NRG3: variants seen among roughly 807,000 people sequenced by gnomAD.
NRG3 encodes the protein neuregulin 3.
Under a neutral mutation model 66.9 loss-of-function variants are expected in NRG3, and 31 were observed. The ratio of observed to expected loss-of-function variants is 0.46; its 90% CI spans 0.35 to 0.63. NRG3 has a LOEUF of 0.63. Among genes scored for constraint, NRG3 ranks in the 20% least tolerant of loss-of-function variants. NRG3 has a pLI of 0.00. For synonymous variants in NRG3, 393 were observed against 359.4 expected (o/e 1.09, Z -1.06); for missense variants, 910 against 878.9 (o/e 1.04, Z -0.45).
chr10:82,517,607 GTCTC>G (rs771355098), intron 2 of NRG3, among the ~76,000 whole-genome samples: 7 of 140,152 alleles, frequency 5.0e-5, no homozygotes, highest in East Asian at 2.1e-4. Flanking sequence ...TTCACTCCTT[GTCTC>G]TCTCTCTCTC....
chr10:81,963,117 C>T (rs1222834473), intron 1 of NRG3, among the ~76,000 whole-genome samples: 1 of 139,926 alleles, frequency 7.1e-6, no homozygotes, highest in Non-Finnish European at 1.5e-5. Context: ...TGATCTGCCA[C>T]GAGGGCTCTT....
At chr10:82,624,375 A>AC (rs1464727195) in intron 2 of NRG3, among the ~76,000 whole-genome samples, 2 of 152,070 alleles carry the variant, frequency 1.3e-5, no homozygotes, top group Admixed American at 6.6e-5. Flanking sequence ...GCTCATTTCA[A>AC]CCTAATTACA....
rs200850342 is a variant in NRG3, at chr10:82,598,922, CA to C, written c.954-139654del. ...AAAATTAGCTGGGCATGGTGGCGCA[CA>C]CCTGTAATCCCAGCTGCTCGGGAGC... On this transcript the variant is annotated intron_variant, in intron 2 of 8. Coordinates refer to ENST00000372141, the MANE Select transcript of NRG3 (RefSeq NM_001010848.4). 9.0e-3 allele frequency among the ~76,000 whole-genome samples: 1,369 copies of C among 152,190 alleles called. 29 individuals are homozygous for C. Among genetic ancestry groups the C allele is most frequent in the African/African-American group, 0.031 (1,306 of 41,528 alleles).
At chr10:82,385,663 G>A (rs1190800284) in intron 2 of NRG3, among the ~76,000 whole-genome samples, 1 of 152,100 alleles carries the variant, frequency 6.6e-6, no homozygotes, top group Non-Finnish European at 1.5e-5. Context: ...ATATGAAATT[G>A]GGGATTTTTG....
At chr10:82,455,369 A>G (rs2091220649) in intron 2 of NRG3, among the ~76,000 whole-genome samples, 1 of 152,210 alleles carries the variant, frequency 6.6e-6, no homozygotes, top group Non-Finnish European at 1.5e-5. Context: ...ACTGAATACT[A>G]TAGGCAATTG....
At chr10:82,226,829 A>G (rs2076188230) in intron 1 of NRG3, among the ~76,000 whole-genome samples, 1 of 152,150 alleles carries the variant, frequency 6.6e-6, no homozygotes, top group African/African-American at 2.4e-5. Context: ...CATAGTCTCT[A>G]TACTTCCAGG....
chr10:81,929,296 A>G lies in NRG3; in HGVS notation c.823+53133A>G, dbSNP rs118034489. Among the ~76,000 whole-genome samples the G allele has an allele frequency of 2.0e-3, 309 of 152,294 alleles. 1 individual carries two copies. Among genetic ancestry groups the G allele is most frequent in the Admixed American group, 3.6e-3 (55 of 15,302 alleles). On this transcript the variant is annotated intron_variant, in intron 1 of 8. Coordinates refer to ENST00000372141, the MANE Select transcript of NRG3 (RefSeq NM_001010848.4). ...TCAATGTTTCTAAAATCCCTGCAAT[A>G]CCAATCTAACAAAAGTTGGATTCCT...
At chr10:82,612,379 T>C (rs945750986) in intron 2 of NRG3, among the ~76,000 whole-genome samples, 3 of 152,110 alleles carry the variant, frequency 2.0e-5, no homozygotes, top group Non-Finnish European at 4.4e-5. Flanking sequence ...CATAGTACTA[T>C]GGTTACAAAG....
At chr10:82,845,437 T>C (rs2063264325) in intron 3 of NRG3, among the ~76,000 whole-genome samples, 1 of 152,140 alleles carries the variant, frequency 6.6e-6, no homozygotes, top group Non-Finnish European at 1.5e-5. Flanking sequence ...AATGAGGAAT[T>C]GGTGATCTAC....
chr10:82,865,529 A>C (rs916234576), intron 4 of NRG3, 92 bp downstream of exon 4: 1 of 1,312,064 alleles, frequency 7.6e-7, no homozygotes, highest in African/African-American at 1.5e-5. Context: ...GTTATAATTG[A>C]AATGTCTCAT....
chr10:82,678,902 G>T (rs977791696), intron 2 of NRG3, among the ~76,000 whole-genome samples: 2 of 152,184 alleles, frequency 1.3e-5, no homozygotes, highest in East Asian at 3.9e-4. Flanking sequence ...TGAGCACCGT[G>T]TATACATATG....
intron 1 of NRG3, among the ~76,000 whole-genome samples, chr10:82,049,165 AT>A (rs2063466421): frequency 6.6e-6 from 1 of 152,090 alleles, no homozygotes; most frequent in Non-Finnish European, 1.5e-5. Context: ...TATGCTTTTT[AT>A]GATATACTTA....
intron 1 of NRG3, among the ~76,000 whole-genome samples, chr10:82,215,495 A>G (rs921145513): frequency 5.9e-5 from 9 of 152,182 alleles, no homozygotes; most frequent in African/African-American, 2.2e-4. Context: ...TCTGATTAAT[A>G]TGAGTGGTGT....
At chr10:82,256,086 G>T (rs1007689568) in intron 1 of NRG3, among the ~76,000 whole-genome samples, 9 of 151,984 alleles carry the variant, frequency 5.9e-5, no homozygotes, top group African/African-American at 1.9e-4. Context: ...ACTGTGCCTG[G>T]CTAATTTTTG....
At chr10:82,619,434 G>A (rs1237537663) in intron 2 of NRG3, among the ~76,000 whole-genome samples, 1 of 151,988 alleles carries the variant, frequency 6.6e-6, no homozygotes, top group African/African-American at 2.4e-5. Flanking sequence ...CCAAGGGATT[G>A]GTATTTCTGC....
At chr10:82,605,159 T>A (rs1419536332) in intron 2 of NRG3, among the ~76,000 whole-genome samples, 2 of 152,064 alleles carry the variant, frequency 1.3e-5, no homozygotes, top group Non-Finnish European at 2.9e-5. Flanking sequence ...TCATTAAGTA[T>A]GTTGTTAGCT....
chr10:82,150,526 C>CAAAAAAAAAAAAAAAAAAAAAAAAA (rs2070637635), intron 1 of NRG3, among the ~76,000 whole-genome samples: 2 of 17,152 alleles, frequency 1.2e-4, no homozygotes, highest in Non-Finnish European at 1.8e-4. Context: ...AAAAAGAGCA[C>CAAAAAAAAAAAAAAAAAAAAAAAAA]ACACAAAAAA....
intron 2 of NRG3, among the ~76,000 whole-genome samples, chr10:82,362,208 T>G (rs2084192883): frequency 6.7e-6 from 1 of 150,202 alleles, no homozygotes; most frequent in Non-Finnish European, 1.5e-5. Flanking sequence ...ACACTTGTGG[T>G]ACCAGTACTT....
chr10:82,045,769 T>G (rs1254074349), intron 1 of NRG3, among the ~76,000 whole-genome samples: 1 of 55,040 alleles, frequency 1.8e-5, no homozygotes, highest in Non-Finnish European at 3.9e-5. Context: ...GAGATCCAGT[T>G]TCAGCTTTCT....
Sources: allele counts gnomAD v4.1 joint callset (sites outside exome capture counted in the v4.1 genomes callset), GRCh38; gene constraint gnomAD v4.1.1; transcripts MANE v1.5; gene names NCBI Gene and HGNC (gene_info 2026-07-23, HGNC 2026-07-21).